The following ITGA2 variants were observed in gnomAD, a reference collection of about 807,000 sequenced individuals.
ITGA2 encodes the protein integrin alpha-2.
ITGA2 carries 101 observed loss-of-function variants against 146.3 expected under a neutral mutation model. The ratio of observed to expected loss-of-function variants is 0.69; its 90% confidence interval spans 0.59 to 0.81. ITGA2 has a LOEUF of 0.81. ITGA2 is among the 40% of genes least tolerant of loss of function. The probability of loss-of-function intolerance (pLI) is 0.00; values close to 1 mark genes in which losing one functional copy is unlikely to be tolerated. For synonymous variants in ITGA2, 477 were observed against 487.1 expected, an observed-to-expected ratio of 0.98 and a Z score of 0.27; for missense variants, 1,281 against 1,402.7, an observed-to-expected ratio of 0.91 and a Z score of 1.39.
Position 53,026,886 on chromosome 5 carries a change from T to A in ITGA2, c.185+18T>A, listed in dbSNP as rs775317501. 1 of 1,604,456 alleles carries A rather than the reference T, an allele frequency of 6.2e-7. No individual in the cohort carries two copies. Among genetic ancestry groups the A allele is most frequent in the East Asian group, 2.2e-5 (1 of 44,772 alleles). ...GGCAACTGGTAAGAATATTCTCTTCTTTATGATTTCAGTAAAAATACAAAA... is the reference window on the plus strand; with the variant it reads ...GGCAACTGGTAAGAATATTCTCTTCATTATGATTTCAGTAAAAATACAAAA... On this transcript the variant is annotated intron_variant, in intron 2 of 29. Transcript: ENST00000296585.
intron 16 of ITGA2, 110 bp downstream of exon 16, chr5:53,067,367 T>C (rs866985356): frequency 8.4e-7 from 1 of 1,193,420 alleles, no homozygotes; most frequent in Non-Finnish European, 1.2e-6. Context: ...GTTTTAGTTA[T>C]AGACACTTAA....
rs184424279 is a variant in ITGA2, at chr5:53,082,558, G to C, written c.3145-782G>C. 4.6e-5 allele frequency among the ~76,000 whole-genome samples: 7 copies of C among 152,190 alleles called. No homozygotes were observed. In the East Asian group the frequency reaches 1.4e-3, roughly 29 times the overall value. On this transcript the variant is annotated intron_variant, in intron 26 of 29. Coordinates refer to ENST00000296585, the MANE Select transcript of ITGA2 (RefSeq NM_002203.4). Reference sequence around the variant, plus strand: ...GCAGTTTTACATTCATGGAAGAATTGAGTGGAAAGTACAGAAGTTCCCATA... The same window carrying C: ...GCAGTTTTACATTCATGGAAGAATTCAGTGGAAAGTACAGAAGTTCCCATA...
chr5:53,009,563 T>A (rs1323353188), intron 1 of ITGA2, among the ~76,000 whole-genome samples: 2 of 152,144 alleles, frequency 1.3e-5, no homozygotes, highest in Non-Finnish European at 2.9e-5. Context: ...GTAGCCTGTT[T>A]TTACCTGCTA....
chr5:53,064,290 G>T (rs934369433), intron 13 of ITGA2, among the ~76,000 whole-genome samples: 8 of 151,824 alleles, frequency 5.3e-5, no homozygotes, highest in Admixed American at 2.0e-4. Context: ...AAATCAAAAG[G>T]TTGGAAATAG....
chr5:53,028,281 T>C (rs1411566741), intron 2 of ITGA2, among the ~76,000 whole-genome samples: 1 of 152,152 alleles, frequency 6.6e-6, no homozygotes, highest in African/African-American at 2.4e-5. Context: ...TTGGAGGATG[T>C]AAATCGTGAG....
intron 3 of ITGA2, 145 bp from the exon 4 acceptor site, chr5:53,044,856 C>T (rs1307581681): frequency 1.3e-4 from 90 of 676,320 alleles, no homozygotes; most frequent in Non-Finnish European, 1.1e-5. Flanking sequence ...CGTTTCCCCA[C>T]ACTTCATTAT....
chr5:53,028,992 C>A (rs1344625665), intron 2 of ITGA2, among the ~76,000 whole-genome samples: 1 of 152,174 alleles, frequency 6.6e-6, no homozygotes, highest in Non-Finnish European at 1.5e-5. Context: ...CATGGCTCGG[C>A]CAGGAACGGT....
At chr5:53,061,145 C>CAA in intron 12 of ITGA2, 99 bp downstream of exon 12, 1 of 1,145,050 alleles carries the variant, frequency 8.7e-7, no homozygotes, top group Non-Finnish European at 1.3e-6. Context: ...GCCTGAGTGC[C>CAA]TACTCTGTGA....
Position 53,031,866 on chromosome 5 carries a change from T to A in ITGA2, c.185+4998T>A, listed in dbSNP as rs149108526. On this transcript the variant is annotated intron_variant, in intron 2 of 29. Transcript: ENST00000296585. ...ACACAGGATGTTCCAATGTGGATGATGCAATTCTTATCACAAACAATCTAC... is the reference window on the plus strand; with the variant it reads ...ACACAGGATGTTCCAATGTGGATGAAGCAATTCTTATCACAAACAATCTAC... Among the ~76,000 whole-genome samples the A allele has an allele frequency of 1.1e-4, 17 of 152,338 alleles. No homozygotes were observed. The East Asian group carries it at 3.3e-3, about 29-fold the overall frequency.
chr5:53,029,296 C>T (rs1330206261), intron 2 of ITGA2, among the ~76,000 whole-genome samples: 2 of 151,978 alleles, frequency 1.3e-5, no homozygotes, highest in Non-Finnish European at 1.5e-5. Context: ...AAACACAGCT[C>T]ATTCCCTAGA....
intron 1 of ITGA2, among the ~76,000 whole-genome samples, chr5:53,007,453 A>G (rs1741912221): frequency 6.6e-6 from 1 of 152,062 alleles, no homozygotes; most frequent in Non-Finnish European, 1.5e-5. Flanking sequence ...GGTGACAGGC[A>G]CTGACTTGCT....
At chr5:53,010,565 C>G (rs536413133) in intron 1 of ITGA2, among the ~76,000 whole-genome samples, 53 of 152,252 alleles carry the variant, frequency 3.5e-4, no homozygotes, top group Admixed American at 8.5e-4. Context: ...CAGATCATGC[C>G]TGGCATCTCA....
chr5:53,081,553 T>C (rs1408325977), intron 25 of ITGA2, 39 bp from the exon 26 acceptor site: 1 of 1,453,914 alleles, frequency 6.9e-7, no homozygotes, highest in East Asian at 2.3e-5. Context: ...CATAAACTGT[T>C]TTGCTTCTGA....
intron 9 of ITGA2, among the ~76,000 whole-genome samples, chr5:53,056,814 A>T (rs941154504): frequency 6.6e-6 from 1 of 151,596 alleles, no homozygotes; most frequent in African/African-American, 2.4e-5. Context: ...CACACTTCAC[A>T]GTTGGTTAAA....
Position 53,032,402 on chromosome 5 carries a change from C to G in ITGA2, c.185+5534C>G, listed in dbSNP as rs142236760. 3.8e-3 allele frequency among the ~76,000 whole-genome samples: 581 copies of G among 152,180 alleles called. 20 individuals are homozygous for G. The highest frequency in any genetic ancestry group is 0.035 in the Admixed American group (538 of 15,278). On this transcript the variant is annotated intron_variant, in intron 2 of 29. Transcript: ENST00000296585. The stretch of plus-strand genomic sequence containing the variant: ...TATTTATTGAGTACTCTTTCCTTGC[C>G]AAACATGTAATACCCATAATTACTC...
At chr5:53,039,154 G>T (rs1743651624) in intron 2 of ITGA2, among the ~76,000 whole-genome samples, 1 of 152,088 alleles carries the variant, frequency 6.6e-6, no homozygotes, top group Admixed American at 6.6e-5. Flanking sequence ...CTTTGGAAAG[G>T]CTTACACATA....
At chr5:53,058,681 GA>G (rs371957121) in intron 10 of ITGA2, among the ~76,000 whole-genome samples, 17 of 143,402 alleles carry the variant, frequency 1.2e-4, no homozygotes, top group East Asian at 2.0e-4. Context: ...GAAAGGAGGC[GA>G]AAAAAAAAAG....
In ITGA2 at chr5:53,039,975, A is replaced by T. The variant is rs931839054; in HGVS notation, c.186-2137A>T. Among the ~76,000 whole-genome samples the T allele has an allele frequency of 2.0e-5, 3 of 151,866 alleles. No homozygotes were observed. The East Asian group carries it at 5.8e-4, about 29-fold the overall frequency. Reference sequence around the variant, plus strand: ...GGATTTAGTCAGTAGGAAGGCAGCTATGGGGCAATATGATTTTTTTTAATG... The same window carrying T: ...GGATTTAGTCAGTAGGAAGGCAGCTTTGGGGCAATATGATTTTTTTTAATG... On this transcript the variant is annotated intron_variant, in intron 2 of 29. Transcript: ENST00000296585.
intron 1 of ITGA2, among the ~76,000 whole-genome samples, chr5:53,003,999 G>T (rs1247434261): frequency 6.6e-6 from 1 of 151,990 alleles, no homozygotes; most frequent in Non-Finnish European, 1.5e-5. Context: ...GACAATTGGG[G>T]CCAGATAATT....
Sources: allele counts gnomAD v4.1 joint callset (sites outside exome capture counted in the v4.1 genomes callset), GRCh38; gene constraint gnomAD v4.1.1; transcripts MANE v1.5; gene names NCBI Gene and HGNC (gene_info 2026-07-23, HGNC 2026-07-21).